Variants in COL4A4 observed in about 807,000 individuals in gnomAD.
COL4A4 encodes the protein collagen alpha-4(IV) chain.
Under a neutral mutation model 192.9 loss-of-function variants are expected in COL4A4, and 105 were observed. That is an observed-to-expected ratio of 0.54 (90% CI 0.46 to 0.64). The LOEUF (loss-of-function observed/expected upper bound fraction) is 0.64, where lower values mean the gene tolerates loss of function less well. COL4A4 is among the 30% of genes least tolerant of loss of function. The pLI is 0.00. For missense variants in COL4A4, 1,967 were observed against 2,169.3 expected (o/e 0.91, Z 1.85); for synonymous variants, 762 against 769.9 (o/e 0.99, Z 0.17).
In COL4A4 at chr2:227,102,003, T is replaced by A; in HGVS notation, c.931-94A>T. On this transcript the variant is annotated intron_variant, in intron 15 of 47. Transcript: ENST00000396625. ...TTTTTCACCTTATCAAATTGTTCCA[T>A]GGATATTTGGTCCTGTTTGCAAAGC... 3.4e-6 allele frequency: 3 copies of A among 875,440 alleles called. No homozygotes were observed. In the East Asian group the frequency reaches 8.0e-5, roughly 23 times the overall value. The allele number at this position is 875,440 out of a possible 1,614,324, so 54.2% of individuals were successfully genotyped here.
intron 37 of COL4A4, among the ~76,000 whole-genome samples, chr2:227,034,245 AT>A (rs80158027): frequency 2.0e-5 from 3 of 152,104 alleles, no homozygotes; most frequent in Non-Finnish European, 2.9e-5. Flanking sequence ...CCAGTGGAAA[AT>A]TTTTTTTAAG....
intron 23 of COL4A4, among the ~76,000 whole-genome samples, chr2:227,081,102 A>T (rs1242720932): frequency 6.6e-6 from 1 of 152,124 alleles, no homozygotes. Context: ...CCCAATGCCA[A>T]CCTGTGATGG....
intron 8 of COL4A4, 105 bp from the exon 9 acceptor site, chr2:227,111,818 C>A (rs1401022164): frequency 8.2e-7 from 1 of 1,214,638 alleles, no homozygotes; most frequent in Non-Finnish European, 1.2e-6. Context: ...CATCTAACTG[C>A]AGTTTGTTCA....
intron 44 of COL4A4, among the ~76,000 whole-genome samples, chr2:227,017,838 A>C (rs528592848): frequency 2.6e-5 from 4 of 152,118 alleles, no homozygotes; most frequent in African/African-American, 9.6e-5. Context: ...GTACGTGTGA[A>C]GTTTGTTACA....
chr2:226,969,988 G>GCC, the COL4A4 span, among the ~76,000 whole-genome samples: 3 of 102,854 alleles, frequency 2.9e-5, no homozygotes, highest in African/African-American at 7.6e-5. Flanking sequence ...GTTTACAACT[G>GCC]TCCCCCCCCC....
At chr2:226,993,091 C>T in the COL4A4 span, among the ~76,000 whole-genome samples, 9 of 152,208 alleles carry the variant, frequency 5.9e-5, no homozygotes, top group South Asian at 2.1e-4. Flanking sequence ...GGTCCAAGGC[C>T]GTGTGTGCTG....
chr2:227,080,082 C>T (rs1448397019), intron 24 of COL4A4, among the ~76,000 whole-genome samples: 2 of 152,156 alleles, frequency 1.3e-5, no homozygotes, highest in Non-Finnish European at 2.9e-5. Context: ...TGATGCTAAA[C>T]ATCGGGACCC....
At chr2:227,021,562 A>C (rs1051903491) in intron 44 of COL4A4, among the ~76,000 whole-genome samples, 1 of 152,204 alleles carries the variant, frequency 6.6e-6, no homozygotes, top group Non-Finnish European at 1.5e-5. Context: ...GCAGTGGCTC[A>C]TGCCTGTAAT....
intron 44 of COL4A4, among the ~76,000 whole-genome samples, chr2:227,013,503 G>A (rs1442942903): frequency 3.9e-5 from 6 of 152,140 alleles, no homozygotes; most frequent in Admixed American, 6.5e-5. Flanking sequence ...ACACAGAAAC[G>A]GACCCCAGGG....
intron 26 of COL4A4, among the ~76,000 whole-genome samples, chr2:227,061,875 A>G (rs1257827966): frequency 6.6e-6 from 1 of 152,226 alleles, no homozygotes; most frequent in Non-Finnish European, 1.5e-5. Flanking sequence ...CTTGGAAAGT[A>G]AAACTTACAA....
chr2:227,091,903 AAAG>A (rs2059953165), intron 20 of COL4A4, among the ~76,000 whole-genome samples: 1 of 101,514 alleles, frequency 9.9e-6, no homozygotes, highest in Non-Finnish European at 2.1e-5. Flanking sequence ...CAGGAAGAAA[AAAG>A]AAAGAAAGAA....
At chr2:227,103,226 C>G in intron 13 of COL4A4, 29 bp from the exon 14 acceptor site, 1 of 1,554,062 alleles carries the variant, frequency 6.4e-7, no homozygotes, top group Non-Finnish European at 8.9e-7. Context: ...ATAATTTGGT[C>G]TATTCTTATT....
At chr2:227,083,274 C>T (rs980882588) in intron 22 of COL4A4, among the ~76,000 whole-genome samples, 3 of 151,878 alleles carry the variant, frequency 2.0e-5, no homozygotes, top group African/African-American at 7.3e-5. Flanking sequence ...TTAGGGTGGC[C>T]AAGCACCATT....
chr2:227,017,265 G>A (rs1176482516), intron 44 of COL4A4, among the ~76,000 whole-genome samples: 1 of 152,158 alleles, frequency 6.6e-6, no homozygotes, highest in Non-Finnish European at 1.5e-5. Context: ...CTCCCTTTAG[G>A]GTGAGGCAAA....
chr2:226,988,594 C>G, the COL4A4 span: 5 of 1,362,342 alleles, frequency 3.7e-6, no homozygotes, highest in East Asian at 1.1e-4. Flanking sequence ...CAGAAGAGGC[C>G]GGGGGCTCCA....
At chr2:227,127,361 C>T (rs2062150129) in intron 4 of COL4A4, among the ~76,000 whole-genome samples, 1 of 152,212 alleles carries the variant, frequency 6.6e-6, no homozygotes, top group African/African-American at 2.4e-5. Flanking sequence ...TATCATCAAA[C>T]CTGTTATTTG....
Position 227,032,293 on chromosome 2 carries a change from G to A in COL4A4, c.3578-17C>T, listed in dbSNP as rs1245247592. ...CATGCAAACCTTAATGGGGAAAACA[G>A]AATTAATACTATATCTTCTCTTTTC... On this transcript the variant is annotated splice_polypyrimidine_tract_variant and intron_variant, in intron 38 of 47. Transcript: ENST00000396625. The A allele has an allele frequency of 6.2e-7, 1 of 1,608,608 alleles. No individual in the cohort carries two copies. Among genetic ancestry groups the A allele is most frequent in the Non-Finnish European group, 8.5e-7 (1 of 1,177,190 alleles).
chr2:226,981,441 A>C, the COL4A4 span, among the ~76,000 whole-genome samples: 1 of 151,996 alleles, frequency 6.6e-6, no homozygotes, highest in African/African-American at 2.4e-5. Context: ...ACTTCAAAAA[A>C]AAAAAAAAGA....
intron 25 of COL4A4, among the ~76,000 whole-genome samples, chr2:227,070,746 G>A (rs1037784906): frequency 6.7e-6 from 1 of 148,208 alleles, no homozygotes; most frequent in Non-Finnish European, 1.5e-5. Flanking sequence ...GGAGGGGGGA[G>A]GATAGCATTA....
Sources: allele counts gnomAD v4.1 joint callset (sites outside exome capture counted in the v4.1 genomes callset), GRCh38; gene constraint gnomAD v4.1.1; transcripts MANE v1.5; gene names NCBI Gene and HGNC (gene_info 2026-07-23, HGNC 2026-07-21).